The following PAPOLA variants were observed in gnomAD, a reference collection of about 807,000 sequenced individuals.
PAPOLA encodes polynucleotide adenylyltransferase alpha.
In PAPOLA, 15 loss-of-function variants were observed where a neutral mutation model predicts 100.6. The observed-to-expected ratio is 0.15, with a 90% CI of 0.10 to 0.23. The LOEUF (loss-of-function observed/expected upper bound fraction) is 0.23. PAPOLA is among the 10% of genes least tolerant of loss of function. The pLI, the probability that PAPOLA is intolerant of heterozygous loss-of-function variation, is 1.00. For synonymous variants in PAPOLA, 293 were observed against 300.0 expected, an observed-to-expected ratio of 0.98 and a Z score of 0.24; for missense variants, 533 against 884.2, an observed-to-expected ratio of 0.60 and a Z score of 5.04.
intron 2 of PAPOLA, among the ~76,000 whole-genome samples, chr14:96,520,623 G>A (rs1897873975): frequency 1.3e-5 from 2 of 152,178 alleles, no homozygotes; most frequent in Admixed American, 6.5e-5. Flanking sequence ...GTCTCCCAAA[G>A]TGTTGGGATT....
rs1436340176 is a variant in PAPOLA at position 96,566,417 on chromosome 14, C to G, written c.*1367C>G. 1 of 152,700 alleles carries G rather than the reference C, an allele frequency of 6.5e-6. No homozygotes were observed. Among genetic ancestry groups the G allele is most frequent in the Non-Finnish European group, 1.5e-5 (1 of 68,112 alleles). The allele number at this position is 152,700 out of a possible 1,614,324, so 9.5% of individuals were successfully genotyped here. A position where few individuals can be genotyped will look rare whatever the true frequency, so the allele number is the denominator to read the frequency against. ...GGGATGCCAGATGTTGATAAACTTA[C>G]TCTTTCTGAATCTGGACAAAGTCGA... On this transcript the variant is annotated 3_prime_UTR_variant, in exon 22 of 22. Transcript: ENST00000216277.
At chr14:96,505,407 G>T (rs1004535607) in intron 1 of PAPOLA, among the ~76,000 whole-genome samples, 82 of 152,162 alleles carry the variant, frequency 5.4e-4, no homozygotes, top group African/African-American at 1.8e-3. Flanking sequence ...GCCCTACTCT[G>T]TGTTGGTCAG....
Position 96,521,043 on chromosome 14 carries a change from G to A in PAPOLA, c.220G>A (p.Glu74Lys). The A allele has an allele frequency of 6.4e-7, 1 of 1,561,590 alleles. No homozygotes were observed. The highest frequency in any genetic ancestry group is 2.2e-5 in the East Asian group (1 of 44,540). Reference sequence around the variant, plus strand: ...GGGAAAACTAAATAACCTGGTAAAAGAGTGGATACGAGAAATCAGTGAAAG... The same window carrying A: ...GGGAAAACTAAATAACCTGGTAAAAAAGTGGATACGAGAAATCAGTGAAAG... ...ILGKLNNLVK[E>K]WIREISESKN... The change falls in exon 3 of 22, where the codon GAG becomes AAG. Residue 74 changes from glutamate to lysine, a missense_variant. This residue lies in a region of PAPOLA where 54 missense variants were observed against 133.2 expected (regional missense o/e 0.41). Transcript: ENST00000216277.
At chr14:96,514,040 A>C (rs1897269868) in intron 1 of PAPOLA, among the ~76,000 whole-genome samples, 1 of 152,192 alleles carries the variant, frequency 6.6e-6, no homozygotes, top group Non-Finnish European at 1.5e-5. Context: ...AAGCCATTTG[A>C]GTATTTCATA....
Position 96,531,553 on chromosome 14 carries a change from A to C in PAPOLA, c.574A>C (p.Asn192His). The change falls in exon 7 of 22, where the codon AAT becomes CAT. Residue 192 changes from asparagine to histidine, a missense_variant. Physicochemically the swap from Asn to His is moderately conservative, Grantham distance 68. Coordinates refer to ENST00000216277, the MANE Select transcript of PAPOLA (RefSeq NM_032632.5). ...LDLRDDSLLKNLDIRCIRSLN... is the reference protein window; with the variant it reads ...LDLRDDSLLKHLDIRCIRSLN... Reference sequence around the variant, plus strand: ...TCTACGAGATGACAGTCTGCTAAAAAATTTAGATATAAGATGTATAAGAAG... The same window carrying C: ...TCTACGAGATGACAGTCTGCTAAAACATTTAGATATAAGATGTATAAGAAG... The C allele has an allele frequency of 6.2e-7, 1 of 1,609,158 alleles. No homozygotes were observed. The highest frequency in any genetic ancestry group is 8.5e-7 in the Non-Finnish European group (1 of 1,176,494).
intron 3 of PAPOLA, among the ~76,000 whole-genome samples, chr14:96,523,645 T>G (rs1898207050): frequency 6.6e-6 from 1 of 152,134 alleles, no homozygotes; most frequent in African/African-American, 2.4e-5. Flanking sequence ...TTGCTTACTT[T>G]TAAGAAATAC....
At chr14:96,506,141 A>AT (rs1416073404) in intron 1 of PAPOLA, among the ~76,000 whole-genome samples, 1 of 151,964 alleles carries the variant, frequency 6.6e-6, no homozygotes, top group Non-Finnish European at 1.5e-5. Context: ...TGACCTCGTG[A>AT]TCCCCCCCCA....
intron 2 of PAPOLA, 71 bp downstream of exon 2, chr14:96,520,299 A>C: frequency 1.7e-6 from 2 of 1,152,322 alleles, no homozygotes; most frequent in Non-Finnish European, 2.5e-6. Context: ...ATTTTGAGGC[A>C]TTCTCTACTT....
chr14:96,536,803 A>T lies in PAPOLA; in HGVS notation c.1031-173A>T, dbSNP rs575567587. On this transcript the variant is annotated intron_variant, in intron 11 of 21. Coordinates refer to ENST00000216277, the MANE Select transcript of PAPOLA (RefSeq NM_032632.5). ...TCTCAAAAAATCTTCCAGCTTTTTA[A>T]AAAAAAAATGTGTATATATATAAGA... The T allele has an allele frequency of 3.2e-5, 14 of 431,876 alleles. No homozygotes were observed. In the South Asian group the frequency reaches 5.4e-4, roughly 17 times the overall value. 26.8% of individuals were successfully genotyped at this position (431,876 alleles called of 1,614,324 possible).
In PAPOLA at chr14:96,543,309, G is replaced by A. The variant is rs1017490901; in HGVS notation, c.1289+416G>A. Among the ~76,000 whole-genome samples the A allele has an allele frequency of 3.9e-5, 6 of 151,960 alleles. No homozygotes were observed. In the East Asian group the frequency reaches 7.7e-4, roughly 19 times the overall value. Reference sequence around the variant, plus strand: ...GAACTTATAAAAATCTGATTTATGCGTGATTCTGGACTGTTGAGAAGATAA... The same window carrying A: ...GAACTTATAAAAATCTGATTTATGCATGATTCTGGACTGTTGAGAAGATAA... On this transcript the variant is annotated intron_variant, in intron 14 of 21. Transcript: ENST00000216277.
chr14:96,552,584 G>A lies in PAPOLA; in HGVS notation c.1626G>A (p.Thr542=), dbSNP rs1595552776. ...CTGTGCCTTCACCTACTAGTGCTAC[G>A]AAGACCAGTCCATTGAACAGTTCTG... is the stretch of plus-strand genomic sequence containing the variant. ...SMSVPSPTSA[T]KTSPLNSSGS... Residue 542 remains threonine, a synonymous_variant, in exon 17 of 22, where the codon ACG becomes ACA. Coordinates refer to ENST00000216277, the MANE Select transcript of PAPOLA (RefSeq NM_032632.5). 1.9e-6 allele frequency: 3 copies of A among 1,614,060 alleles called. No individual in the cohort carries two copies. The highest frequency in any genetic ancestry group is 2.2e-5 in the South Asian group (2 of 91,084).
intron 3 of PAPOLA, among the ~76,000 whole-genome samples, chr14:96,521,374 A>G (rs1897947557): frequency 6.6e-6 from 1 of 152,220 alleles, no homozygotes; most frequent in Admixed American, 6.5e-5. Context: ...GTTTCTCTAA[A>G]AAGGTGCTTT....
intron 15 of PAPOLA, chr14:96,547,555 A>T (rs1900487950): frequency 3.4e-6 from 1 of 297,600 alleles, no homozygotes; most frequent in Non-Finnish European, 6.3e-6. Flanking sequence ...TTTAAGAGCT[A>T]TTTAAAGGGT....
Position 96,535,731 on chromosome 14 carries a change from A to G in PAPOLA, c.910-148A>G, listed in dbSNP as rs144765554. 918 of 793,340 alleles carry G rather than the reference A, an allele frequency of 1.2e-3. 1 individual carries two copies. The highest frequency in any genetic ancestry group is 1.5e-3 in the Non-Finnish European group (845 of 567,044). The allele number at this position is 793,340 out of a possible 1,614,324, so 49.1% of individuals were successfully genotyped here. ...TCTATAAAAAATTCCTATAAAAACAATGTCTCTCTACATGGTTTTTCTTTC... is the reference window on the plus strand; with the variant it reads ...TCTATAAAAAATTCCTATAAAAACAGTGTCTCTCTACATGGTTTTTCTTTC... On this transcript the variant is annotated intron_variant, in intron 10 of 21. Coordinates refer to ENST00000216277, the MANE Select transcript of PAPOLA (RefSeq NM_032632.5).
rs1270104090 is a variant in PAPOLA, at chr14:96,527,934, T to G, written c.442-19T>G. The G allele has an allele frequency of 6.3e-7, 1 of 1,586,082 alleles. No individual in the cohort carries two copies. Among genetic ancestry groups the G allele is most frequent in the Non-Finnish European group, 8.7e-7 (1 of 1,154,758 alleles). ...AAATGTAGTTTCAGAGACCCTGAACTTGTTTACTTTCCTTATAGGCTGTTG... is the reference window on the plus strand; with the variant it reads ...AAATGTAGTTTCAGAGACCCTGAACGTGTTTACTTTCCTTATAGGCTGTTG... On this transcript the variant is annotated intron_variant, in intron 5 of 21. Transcript: ENST00000216277.
intron 17 of PAPOLA, among the ~76,000 whole-genome samples, chr14:96,555,001 T>C (rs894869097): frequency 2.0e-5 from 3 of 152,036 alleles, no homozygotes; most frequent in Non-Finnish European, 4.4e-5. Context: ...GAGATTGGCA[T>C]GAGAAAGAGA....
intron 19 of PAPOLA, among the ~76,000 whole-genome samples, chr14:96,560,231 G>A (rs2140336729): frequency 6.6e-6 from 1 of 152,226 alleles, no homozygotes; most frequent in Admixed American, 6.5e-5. Flanking sequence ...AATTAAAGTG[G>A]AGTTCTTTCT....
intron 1 of PAPOLA, among the ~76,000 whole-genome samples, chr14:96,512,509 A>G (rs1174243841): frequency 1.3e-5 from 2 of 152,242 alleles, no homozygotes; most frequent in Non-Finnish European, 2.9e-5. Context: ...CAGTAAACTT[A>G]GTCAAGCCTT....
chr14:96,522,110 TTCTTTC>T lies in PAPOLA; in HGVS notation c.249+1040_249+1045del, dbSNP rs1334216135. ...GAGCCACTGCATCTAGCCTCTTTCT[TTCTTTC>T]TTTTTTTTTTTTTTTTTTTTTTTTT... On this transcript the variant is annotated intron_variant, in intron 3 of 21. Coordinates refer to ENST00000216277, the MANE Select transcript of PAPOLA (RefSeq NM_032632.5). 1.2e-3 allele frequency among the ~76,000 whole-genome samples: 136 copies of T among 117,528 alleles called. 3 individuals are homozygous for T. Among genetic ancestry groups the T allele is most frequent in the African/African-American group, 4.6e-3 (123 of 26,970 alleles). The allele number at this position is 117,528 out of a possible 152,430, so 77.1% of individuals were successfully genotyped here.
Sources: gnomAD v4.1 joint callset for allele counts (sites outside exome capture counted in the v4.1 genomes callset) on GRCh38, gnomAD v4.1.1 for gene constraint, gnomAD v4.1.1 regional missense constraint, MANE v1.5 for transcripts, NCBI Gene and HGNC (gene_info 2026-07-23, HGNC 2026-07-21) for gene names.